BBS9: variants seen among roughly 807,000 people sequenced by gnomAD.
BBS9 encodes protein PTHB1.
A neutral mutation model predicts 117.7 loss-of-function variants in BBS9; 89 were observed. The observed-to-expected ratio is 0.76, with a 90% CI of 0.64 to 0.90. BBS9 has a LOEUF of 0.90. BBS9 is among the 40% of genes least tolerant of loss of function. The pLI is 0.00. For synonymous variants in BBS9, 379 were observed against 370.9 expected (o/e 1.02, Z -0.25); for missense variants, 982 against 1,042.2 (o/e 0.94, Z 0.80).
intron 9 of BBS9, among the ~76,000 whole-genome samples, chr7:33,326,382 T>G (rs188851111): frequency 1.8e-3 from 273 of 152,234 alleles, no homozygotes; most frequent in African/African-American, 6.2e-3. Flanking sequence ...GCTTGAGCAG[T>G]GGGTTCCCCT....
intron 5 of BBS9, among the ~76,000 whole-genome samples, chr7:33,245,332 T>G (rs1366137714): frequency 6.6e-6 from 1 of 152,120 alleles, no homozygotes; most frequent in Non-Finnish European, 1.5e-5. Context: ...CCTCTCTTCT[T>G]AACAGATCTT....
At chr7:33,184,830 G>T (rs1798598355) in intron 5 of BBS9, among the ~76,000 whole-genome samples, 1 of 152,182 alleles carries the variant, frequency 6.6e-6, no homozygotes, top group Non-Finnish European at 1.5e-5. Context: ...TATTAACAAA[G>T]TAAAGGAATA....
At chr7:33,562,007 C>A (rs55912413) in intron 21 of BBS9, among the ~76,000 whole-genome samples, 1 of 152,112 alleles carries the variant, frequency 6.6e-6, no homozygotes, top group Admixed American at 6.5e-5. Flanking sequence ...TGTAGTCTGA[C>A]CTTTTAGGAA....
intron 9 of BBS9, among the ~76,000 whole-genome samples, chr7:33,331,712 A>G (rs1814101071): frequency 6.6e-6 from 1 of 151,178 alleles, no homozygotes; most frequent in African/African-American, 2.4e-5. Context: ...AAAAACCACC[A>G]CCAACAAAAA....
At chr7:33,399,131 T>C (rs1449458489) in intron 19 of BBS9, among the ~76,000 whole-genome samples, 1 of 152,256 alleles carries the variant, frequency 6.6e-6, no homozygotes, top group Non-Finnish European at 1.5e-5. Flanking sequence ...GTGAATTAGC[T>C]ATATGTGGCT....
chr7:33,224,115 TTTA>T (rs1790790460), intron 5 of BBS9, among the ~76,000 whole-genome samples: 1 of 152,192 alleles, frequency 6.6e-6, no homozygotes, highest in Non-Finnish European at 1.5e-5. Context: ...ATATGAAATA[TTTA>T]TTATTTATAA....
intron 21 of BBS9, among the ~76,000 whole-genome samples, chr7:33,555,692 C>T (rs187511897): frequency 6.6e-6 from 1 of 152,146 alleles, no homozygotes; most frequent in Admixed American, 6.5e-5. Flanking sequence ...TTCTAGTTGG[C>T]CAATGTGTCA....
At chr7:33,342,150 C>T (rs1203768427) in intron 11 of BBS9, among the ~76,000 whole-genome samples, 1 of 151,966 alleles carries the variant, frequency 6.6e-6, no homozygotes, top group Non-Finnish European at 1.5e-5. Flanking sequence ...ACAGCCAATC[C>T]AATTTGTGAT....
At chr7:33,447,321 C>CA (rs1584864976) in intron 19 of BBS9, among the ~76,000 whole-genome samples, 1 of 152,132 alleles carries the variant, frequency 6.6e-6, no homozygotes, top group East Asian at 1.9e-4. Flanking sequence ...GGGCACCTCT[C>CA]AAAGAAATAG....
intron 20 of BBS9, among the ~76,000 whole-genome samples, chr7:33,512,555 C>A (rs955441410): frequency 2.6e-5 from 4 of 152,186 alleles, no homozygotes; most frequent in Non-Finnish European, 5.9e-5. Context: ...TAGTGATCAT[C>A]ATCAACTTCA....
At chr7:33,245,373 A>G (rs1795176559) in intron 5 of BBS9, among the ~76,000 whole-genome samples, 1 of 152,096 alleles carries the variant, frequency 6.6e-6, no homozygotes. Context: ...TACAATGAGT[A>G]CTTAGTCTTT....
chr7:33,399,581 T>A (rs936175630), intron 19 of BBS9, among the ~76,000 whole-genome samples: 6 of 152,132 alleles, frequency 3.9e-5, no homozygotes, highest in African/African-American at 1.2e-4. Context: ...TCCAGTAAAA[T>A]TCTCAATAAA....
chr7:33,391,514 G>A (rs1827071641), intron 19 of BBS9, among the ~76,000 whole-genome samples: 1 of 152,130 alleles, frequency 6.6e-6, no homozygotes, highest in Non-Finnish European at 1.5e-5. Context: ...GAAAATGCCT[G>A]CTTTCCTAGG....
At chr7:33,195,537 T>C (rs1016122210) in intron 5 of BBS9, among the ~76,000 whole-genome samples, 13 of 152,166 alleles carry the variant, frequency 8.5e-5, no homozygotes, top group Admixed American at 2.6e-4. Context: ...AGTTATCTAG[T>C]AGAAATACAC....
intron 13 of BBS9, among the ~76,000 whole-genome samples, chr7:33,350,601 C>A (rs888670513): frequency 3.9e-5 from 6 of 152,136 alleles, no homozygotes; most frequent in Admixed American, 6.6e-5. Context: ...AATTCTCTTG[C>A]CCTTTTGTGT....
In BBS9 at chr7:33,321,790, T is replaced by A. The variant is rs1439068461; in HGVS notation, c.1017-14651T>A. Among the ~76,000 whole-genome samples the A allele has an allele frequency of 2.6e-5, 4 of 152,128 alleles. No homozygotes were observed. The East Asian group carries it at 5.8e-4, about 22-fold the overall frequency. On this transcript the variant is annotated intron_variant, in intron 9 of 22. Coordinates refer to ENST00000242067, the MANE Select transcript of BBS9 (RefSeq NM_198428.3). The stretch of plus-strand genomic sequence containing the variant: ...GTGGTGAAAGTGGGCATCCTTGTCA[T>A]GTTCCAGATCTTAGAGGAAAGGCTT...
At chr7:33,227,092 G>A (rs572940952) in intron 5 of BBS9, among the ~76,000 whole-genome samples, 70 of 151,800 alleles carry the variant, frequency 4.6e-4, no homozygotes, top group Non-Finnish European at 7.2e-4. Flanking sequence ...GAGTGAATGA[G>A]TAAATTTCAA....
chr7:33,530,039 C>T (rs1243100559), intron 20 of BBS9, among the ~76,000 whole-genome samples: 1 of 152,162 alleles, frequency 6.6e-6, no homozygotes, highest in Non-Finnish European at 1.5e-5. Flanking sequence ...ATTCTAGATT[C>T]CACAGTTTTA....
chr7:33,262,672 G>A (rs748944233), intron 6 of BBS9, among the ~76,000 whole-genome samples: 6 of 152,044 alleles, frequency 3.9e-5, no homozygotes, highest in East Asian at 1.9e-4. Flanking sequence ...TACTTCATGC[G>A]CCCCATGACT....
Sources: allele counts gnomAD v4.1 joint callset (sites outside exome capture counted in the v4.1 genomes callset), GRCh38; gene constraint gnomAD v4.1.1; transcripts MANE v1.5; gene names NCBI Gene and HGNC (gene_info 2026-07-23, HGNC 2026-07-21).